Variants in HSD17B14 observed in about 807,000 individuals in gnomAD.
HSD17B14 encodes L-fucose dehydrogenase.
Under a neutral mutation model 32.2 loss-of-function variants are expected in HSD17B14, and 32 were observed. The ratio of observed to expected loss-of-function variants is 0.99; its 90% CI spans 0.75 to 1.33. The LOEUF is 1.33. Ranked by LOEUF, HSD17B14 falls within the 40% of genes most tolerant of loss-of-function variation. The pLI is 0.00. For missense variants in HSD17B14, 370 were observed against 366.5 expected (o/e 1.01, Z -0.08); for synonymous variants, 140 against 155.4 (o/e 0.90, Z 0.74).
intron 3 of HSD17B14, among the ~76,000 whole-genome samples, chr19:48,833,198 C>G (rs746985146): frequency 1.9e-4 from 29 of 150,732 alleles, no homozygotes; most frequent in Non-Finnish European, 3.5e-4. Context: ...GCAGACACAG[C>G]AGGCAAGCAG....
chr19:48,832,079 G>GA (rs71294393), intron 4 of HSD17B14, among the ~76,000 whole-genome samples: 6,288 of 60,054 alleles, frequency 0.1, 1,074 homozygotes, highest in African/African-American at 0.36. Flanking sequence ...CCCCATCTCA[G>GA]AAAAAAAAAA....
chr19:48,820,286 C>T (rs140181161), intron 5 of HSD17B14, among the ~76,000 whole-genome samples: 1 of 152,054 alleles, frequency 6.6e-6, no homozygotes, highest in Non-Finnish European at 1.5e-5. Flanking sequence ...CCAGCCTGAC[C>T]AATATGGTGA....
intron 5 of HSD17B14, among the ~76,000 whole-genome samples, chr19:48,821,722 G>A (rs1437468365): frequency 1.3e-5 from 2 of 150,796 alleles, no homozygotes; most frequent in Non-Finnish European, 3.0e-5. Context: ...TGGTGAGTAT[G>A]GTGGTGATGA....
chr19:48,826,528 A>AAT lies in HSD17B14; in HGVS notation c.369+5138_369+5139dup, dbSNP rs1555776984. Among the ~76,000 whole-genome samples, 33 of 23,096 alleles carry AAT rather than the reference A, an allele frequency of 1.4e-3. 4 individuals are homozygous for AAT. The highest frequency in any genetic ancestry group is 0.012 in the South Asian group (4 of 328). The allele number at this position is 23,096 out of a possible 152,430, so 15.2% of individuals were successfully genotyped here. A position where few individuals can be genotyped will look rare whatever the true frequency, so the allele number is the denominator to read the frequency against. On this transcript the variant is annotated intron_variant, in intron 5 of 8. Coordinates refer to ENST00000263278, the MANE Select transcript of HSD17B14 (RefSeq NM_016246.3). ...AAAAAAAAGTAAAAGAAAAGAAGAA[A>AAT]ATATATATATATATACACACACACA...
chr19:48,813,750 G>A lies in HSD17B14; in HGVS notation c.475-20C>T, dbSNP rs767631684. The stretch of plus-strand genomic sequence containing the variant: ...TGCCCCCTGCAGGAAATGGAGCGGG[G>A]AAGAAAGTTCAGTCCCCGGGACATG... On this transcript the variant is annotated intron_variant, in intron 6 of 8. Transcript: ENST00000263278. 7 of 1,614,026 alleles carry A rather than the reference G, an allele frequency of 4.3e-6. No individual in the cohort carries two copies. The highest frequency in any genetic ancestry group is 2.2e-5 in the East Asian group (1 of 44,906).
Position 48,813,339 on chromosome 19 carries a change from G to T in HSD17B14, c.649C>A (p.Arg217Ser). Residue 217 changes from arginine to serine, a missense_variant, in exon 9 of 9, where the codon CGC becomes AGC. By Grantham distance (110) the Arg-to-Ser change is moderately radical. Transcript: ENST00000263278. ...REGMLAQPLGRMGQPAEVGAA... is the reference protein window; with the variant it reads ...REGMLAQPLGSMGQPAEVGAA... ...CCGACCTCAGCGGGCTGGCCCATGC[G>T]GCCCAGTGGCTGGGGAGAAAAGAGG... 6.3e-7 allele frequency: 1 copy of T among 1,580,776 alleles called. No individual in the cohort carries two copies. The highest frequency in any genetic ancestry group is 8.6e-7 in the Non-Finnish European group (1 of 1,163,248).
At chr19:48,830,227 G>T (rs1053754366) in intron 5 of HSD17B14, among the ~76,000 whole-genome samples, 1 of 152,022 alleles carries the variant, frequency 6.6e-6, no homozygotes, top group Non-Finnish European at 1.5e-5. Context: ...GCACATCAAA[G>T]AATGCAATTA....
chr19:48,818,765 T>A (rs907849182), intron 5 of HSD17B14, among the ~76,000 whole-genome samples: 6 of 151,876 alleles, frequency 4.0e-5, no homozygotes, highest in Non-Finnish European at 8.8e-5. Context: ...TTTGGGAGAC[T>A]GAGGTGGGAG....
intron 5 of HSD17B14, among the ~76,000 whole-genome samples, chr19:48,821,592 G>A (rs936762921): frequency 6.6e-6 from 1 of 151,886 alleles, no homozygotes; most frequent in Admixed American, 6.6e-5. Flanking sequence ...AAAGTCACGT[G>A]GCTGAGAGAG....
At chr19:48,818,581 G>A (rs1392896098) in intron 5 of HSD17B14, among the ~76,000 whole-genome samples, 3 of 151,898 alleles carry the variant, frequency 2.0e-5, no homozygotes, top group East Asian at 3.9e-4. Context: ...GCTGAGACAC[G>A]GATCTTGCCA....
At position 48,836,427 on chromosome 19, in the gene HSD17B14, C is replaced by G. The variant is rs775151437; in HGVS notation, c.-16G>C. On this transcript the variant is annotated 5_prime_UTR_variant, in exon 1 of 9. Coordinates refer to ENST00000263278, the MANE Select transcript of HSD17B14 (RefSeq NM_016246.3). ...CCGTAGCCATCCCGTGTACGTCGGT[C>G]TCTCTCTCTCTCTACTCTGGGCCTC... 3.2e-6 allele frequency: 4 copies of G among 1,266,332 alleles called. No individual in the cohort carries two copies. The highest frequency in any genetic ancestry group is 4.2e-6 in the Non-Finnish European group (4 of 949,806). 78.4% of individuals were successfully genotyped at this position (1,266,332 alleles called of 1,614,324 possible).
chr19:48,813,870 T>G (rs1200481961), intron 6 of HSD17B14, 140 bp from the exon 7 acceptor site: 2 of 870,808 alleles, frequency 2.3e-6, no homozygotes, highest in Admixed American at 2.2e-5. Flanking sequence ...GGCACCAGGC[T>G]TGGTTTCTTG....
intron 2 of HSD17B14, 109 bp downstream of exon 2, chr19:48,835,696 G>A (rs1267787386): frequency 2.1e-5 from 23 of 1,080,630 alleles, no homozygotes; most frequent in Non-Finnish European, 3.1e-5. Flanking sequence ...TGAGGAAGTA[G>A]GGCCTGGGGG....
chr19:48,831,358 G>C (rs2035332309), intron 5 of HSD17B14, among the ~76,000 whole-genome samples: 1 of 152,260 alleles, frequency 6.6e-6, no homozygotes, highest in Non-Finnish European at 1.5e-5. Flanking sequence ...GGCCAAGGCA[G>C]GCAGATCACT....
chr19:48,835,370 G>T (rs2035469879), intron 2 of HSD17B14, among the ~76,000 whole-genome samples: 1 of 121,526 alleles, frequency 8.2e-6, no homozygotes, highest in African/African-American at 3.4e-5. Flanking sequence ...GGGAGGAGGG[G>T]CTGAGGTCTG....
chr19:48,822,582 GTGA>G (rs1465113941), intron 5 of HSD17B14, among the ~76,000 whole-genome samples: 30 of 150,426 alleles, frequency 2.0e-4, no homozygotes, highest in South Asian at 8.5e-4. Flanking sequence ...AATGACAGTG[GTGA>G]TGATGATGAG....
intron 5 of HSD17B14, among the ~76,000 whole-genome samples, chr19:48,829,691 T>G (rs2035305724): frequency 1.4e-5 from 2 of 138,606 alleles, no homozygotes; most frequent in South Asian, 4.5e-4. Flanking sequence ...TTGCCCAGGC[T>G]GGAGTGCAAT....
chr19:48,834,301 T>C lies in HSD17B14; in HGVS notation c.185A>G (p.Asp62Gly), dbSNP rs146036929. Residue 62 changes from aspartate to glycine, a missense_variant, in exon 3 of 9, where the codon GAT becomes GGT. Coordinates refer to ENST00000263278, the MANE Select transcript of HSD17B14 (RefSeq NM_016246.3). ...CTTCACATCATCTTCCTGAGTCACA[T>C]CACAGAGGATAAAGACAGCTCCAGG... ...ELPGAVFILC[D>G]VTQEDDVKTL... is the part of the protein sequence containing the mutation. 5.8e-4 allele frequency: 930 copies of C among 1,614,020 alleles called. No individual in the cohort carries two copies. Among genetic ancestry groups the C allele is most frequent in the Non-Finnish European group, 6.7e-4 (788 of 1,179,900 alleles).
chr19:48,819,871 G>C (rs2035116783), intron 5 of HSD17B14, among the ~76,000 whole-genome samples: 1 of 152,228 alleles, frequency 6.6e-6, no homozygotes, highest in South Asian at 2.1e-4. Flanking sequence ...GCCAGGGCCA[G>C]GTGTGGTGGC....
Sources: gnomAD v4.1 joint callset for allele counts (sites outside exome capture counted in the v4.1 genomes callset) on GRCh38, gnomAD v4.1.1 for gene constraint, MANE v1.5 for transcripts, NCBI Gene and HGNC (gene_info 2026-07-23, HGNC 2026-07-21) for gene names.